The following LCORL variants were observed in gnomAD, a reference collection of about 807,000 sequenced individuals.
LCORL encodes the protein ligand-dependent nuclear receptor corepressor-like protein.
In LCORL, 41 loss-of-function variants were observed where a neutral mutation model predicts 141.8. That is an observed-to-expected ratio of 0.29 (90% CI 0.23 to 0.38). The LOEUF is 0.38. Ranked by LOEUF, LCORL falls within the 10% of genes least tolerant of loss-of-function variation. The probability of loss-of-function intolerance (pLI) is 1.00; values close to 1 mark genes in which losing one functional copy is unlikely to be tolerated. For missense variants in LCORL, 1,759 were observed against 2,035.0 expected, an observed-to-expected ratio of 0.86 and a Z score of 2.61; for synonymous variants, 618 against 694.1, an observed-to-expected ratio of 0.89 and a Z score of 1.72.
intron 2 of LCORL, among the ~76,000 whole-genome samples, chr4:17,969,538 CAGT>C (rs1715545598): frequency 1.3e-5 from 2 of 152,148 alleles, no homozygotes; most frequent in South Asian, 2.1e-4. Context: ...CAAGAGAAAA[CAGT>C]AGGTTTGCAA....
At chr4:17,902,493 G>A (rs796390916) in intron 5 of LCORL, among the ~76,000 whole-genome samples, 3 of 152,072 alleles carry the variant, frequency 2.0e-5, no homozygotes, top group Non-Finnish European at 2.9e-5. Flanking sequence ...TTTCGTTAGC[G>A]GACATAGAAA....
chr4:17,941,030 G>T (rs1737857523), intron 4 of LCORL, among the ~76,000 whole-genome samples: 1 of 152,154 alleles, frequency 6.6e-6, no homozygotes, highest in African/African-American at 2.4e-5. Flanking sequence ...AAGTAGAAAA[G>T]ATTCAGAGGT....
exon 7 of LCORL, chr4:17,878,145 A>G: frequency 8.1e-7 from 1 of 1,230,106 alleles, no homozygotes; most frequent in Non-Finnish European, 1.0e-6. Flanking sequence ...AGATTCCAAA[A>G]CTTTGTTTAA....
At chr4:17,877,161 G>C (rs1727011869) in exon 7 of LCORL, 2 of 1,230,648 alleles carry the variant, frequency 1.6e-6, no homozygotes, top group Admixed American at 8.5e-5. Context: ...TGCAAATAAA[G>C]TTTCTTGACG....
chr4:17,966,226 GA>G (rs1179250285), intron 2 of LCORL, among the ~76,000 whole-genome samples: 1 of 151,664 alleles, frequency 6.6e-6, no homozygotes, highest in Non-Finnish European at 1.5e-5. Flanking sequence ...GTTCATTGGG[GA>G]AAAAAATCAG....
chr4:17,911,085 AAAT>A (rs1422159013), intron 4 of LCORL, among the ~76,000 whole-genome samples: 1 of 152,176 alleles, frequency 6.6e-6, no homozygotes, highest in African/African-American at 2.4e-5. Flanking sequence ...ATTAAGACAG[AAAT>A]AATAATAGAA....
chr4:17,881,506 TAATAC>T, intron 6 of LCORL: 1 of 867,992 alleles, frequency 1.2e-6, no homozygotes, highest in South Asian at 5.3e-5. Flanking sequence ...CAAAAATAAA[TAATAC>T]AAGTACTAAA....
intron 4 of LCORL, among the ~76,000 whole-genome samples, chr4:17,947,974 T>C (rs1380424017): frequency 6.6e-6 from 1 of 151,918 alleles, no homozygotes; most frequent in Non-Finnish European, 1.5e-5. Context: ...TGAAAGATGA[T>C]TTAGAGTTTA....
chr4:17,935,124 G>A (rs1002624635), intron 4 of LCORL, among the ~76,000 whole-genome samples: 3 of 152,148 alleles, frequency 2.0e-5, no homozygotes, highest in Non-Finnish European at 4.4e-5. Flanking sequence ...ATATAGGGCC[G>A]CTTTGGTAGG....
chr4:17,936,468 C>G (rs1286490934), intron 4 of LCORL, among the ~76,000 whole-genome samples: 1 of 151,664 alleles, frequency 6.6e-6, no homozygotes, highest in Non-Finnish European at 1.5e-5. Flanking sequence ...TCTTCCAGAT[C>G]AGTATTTTTT....
chr4:17,911,660 C>T (rs1732557350), intron 4 of LCORL: 1 of 478,874 alleles, frequency 2.1e-6, no homozygotes, highest in Non-Finnish European at 4.2e-6. Flanking sequence ...CTCTCACTCT[C>T]CTCCCTGGAC....
rs368831269 is a variant in LCORL, at chr4:18,017,974, C to G, written c.154+3624G>C. Reference sequence around the variant, plus strand: ...CTGTTCTGAAAAAATATAGAGAGATCAGTATAAAGCAAGAATGATAAACAC... The same window carrying G: ...CTGTTCTGAAAAAATATAGAGAGATGAGTATAAAGCAAGAATGATAAACAC... On this transcript the variant is annotated intron_variant, in intron 1 of 7. Coordinates refer to ENST00000635767, the Ensembl canonical transcript of LCORL. Among the ~76,000 whole-genome samples, 18 of 152,108 alleles carry G rather than the reference C, an allele frequency of 1.2e-4. No individual in the cohort carries two copies. The East Asian group carries it at 3.3e-3, about 28-fold the overall frequency.
intron 5 of LCORL, among the ~76,000 whole-genome samples, chr4:17,895,432 TA>T (rs1040833651): frequency 3.3e-5 from 5 of 152,182 alleles, no homozygotes; most frequent in African/African-American, 1.2e-4. Flanking sequence ...GTGCTGGACT[TA>T]TTTCATTTTA....
At chr4:17,885,942 A>G (rs968437700) in intron 6 of LCORL, 126 bp downstream of exon 6, 9 of 434,160 alleles carry the variant, frequency 2.1e-5, no homozygotes, top group Non-Finnish European at 2.4e-5. Context: ...AGAGAGAGAC[A>G]CTTATGAGTG....
chr4:17,952,954 T>C (rs1280136197), intron 4 of LCORL, among the ~76,000 whole-genome samples: 1 of 152,134 alleles, frequency 6.6e-6, no homozygotes, highest in Non-Finnish European at 1.5e-5. Flanking sequence ...TTAGTTCTCA[T>C]TACTTTAGAT....
intron 5 of LCORL, among the ~76,000 whole-genome samples, chr4:17,907,184 G>A (rs888258117): frequency 1.3e-5 from 2 of 152,104 alleles, no homozygotes; most frequent in African/African-American, 2.4e-5. Context: ...TCAGTCCTAC[G>A]TTACTGTAAC....
Position 17,877,620 on chromosome 4 carries a change from A to G in LCORL, c.1370T>C (p.Val457Ala), listed in dbSNP as rs1727058635. 3 of 1,230,504 alleles carry G rather than the reference A, an allele frequency of 2.4e-6. No individual in the cohort carries two copies. The South Asian group carries it at 1.2e-4, about 51-fold the overall frequency. The allele number at this position is 1,230,504 out of a possible 1,614,324, so 76.2% of individuals were successfully genotyped here. A position where few individuals can be genotyped will look rare whatever the true frequency, so the allele number is the denominator to read the frequency against. Reference sequence around the variant, plus strand: ...TTCTAAGGCTGAAATCTCTGAGATGACGTCTTTCAATTTTTCAAATCCTTC... The same window carrying G: ...TTCTAAGGCTGAAATCTCTGAGATGGCGTCTTTCAATTTTTCAAATCCTTC... The change falls in exon 7 of 8, where the codon GTC (valine) becomes GCC (alanine). Residue 457 changes from valine (V) to alanine (A), a missense_variant. Around this residue, in one of 5 missense-constraint regions of LCORL, gnomAD observed 1,311 missense variants for 1,531.3 expected, o/e 0.86. Coordinates refer to ENST00000635767, the Ensembl canonical transcript of LCORL.
chr4:18,010,412 GTA>G (rs1180510783), intron 1 of LCORL, among the ~76,000 whole-genome samples: 6 of 151,478 alleles, frequency 4.0e-5, no homozygotes, highest in Admixed American at 6.6e-5. Flanking sequence ...GTGTGTGTGT[GTA>G]TATATATATG....
intron 1 of LCORL, among the ~76,000 whole-genome samples, chr4:17,985,332 T>G (rs948584025): frequency 2.0e-5 from 3 of 152,080 alleles, no homozygotes; most frequent in African/African-American, 7.2e-5. Flanking sequence ...CTTGTTAATT[T>G]TCTCCCTTCA....
Sources: allele counts gnomAD v4.1 joint callset (sites outside exome capture counted in the v4.1 genomes callset), GRCh38; gene constraint gnomAD v4.1.1; regional missense constraint gnomAD v4.1.1; transcripts MANE v1.5; gene names NCBI Gene and HGNC (gene_info 2026-07-23, HGNC 2026-07-21).